The following NXN variants were observed in gnomAD, a reference collection of about 807,000 sequenced individuals.
NXN encodes the protein nucleoredoxin.
Under a neutral mutation model 48.6 loss-of-function variants are expected in NXN, and 16 were observed. That is an observed-to-expected ratio of 0.33 (90% CI 0.22 to 0.50). The LOEUF is 0.50. Among genes scored for constraint, NXN ranks in the 20% least tolerant of loss-of-function variants. NXN has a pLI of 0.98. For synonymous variants in NXN, 281 were observed against 269.6 expected, an observed-to-expected ratio of 1.04 and a Z score of -0.41; for missense variants, 492 against 605.5, an observed-to-expected ratio of 0.81 and a Z score of 1.97.
chr17:974,327 G>T (rs1410064471), intron 1 of NXN, among the ~76,000 whole-genome samples: 1 of 151,648 alleles, frequency 6.6e-6, no homozygotes, highest in African/African-American at 2.4e-5. Flanking sequence ...CTCCAGCCTG[G>T]GTGACAGAGC....
At chr17:935,433 G>T (rs763535393) in intron 1 of NXN, among the ~76,000 whole-genome samples, 3 of 152,184 alleles carry the variant, frequency 2.0e-5, no homozygotes, top group Non-Finnish European at 2.9e-5. Flanking sequence ...ACACTGAGAA[G>T]TGGGAGGCTT....
At chr17:947,648 G>A (rs2069058629) in intron 1 of NXN, among the ~76,000 whole-genome samples, 1 of 150,272 alleles carries the variant, frequency 6.7e-6, no homozygotes. Flanking sequence ...CAGGGGAACT[G>A]CTTGAACGCA....
chr17:914,350 A>G (rs1018985299), intron 1 of NXN, among the ~76,000 whole-genome samples: 2 of 144,646 alleles, frequency 1.4e-5, no homozygotes, highest in African/African-American at 5.2e-5. Flanking sequence ...TTGTATTTTT[A>G]GTAGAAATAG....
At position 826,041 on chromosome 17, in the gene NXN, G is replaced by C; in HGVS notation, c.398C>G (p.Pro133Arg). 1 of 1,613,980 alleles carries C rather than the reference G, an allele frequency of 6.2e-7. No individual in the cohort carries two copies. Among genetic ancestry groups the C allele is most frequent in the Non-Finnish European group, 8.5e-7 (1 of 1,179,878 alleles). The part of the protein sequence containing the change: ...LWNKYRISNI[P>R]SLIFLDATTG... ...GGTGGCGTCGAGGAATATTAGTGAT[G>C]GAATGTTGGAAATTCGGTATTTGTT... Residue 133 changes from proline (P) to arginine (R), a missense_variant, in exon 2 of 8, where the codon CCA becomes CGA. Physicochemically the swap from Pro to Arg is moderately radical, Grantham distance 103 (BLOSUM62 -2). Around this residue, in one of 3 missense-constraint regions of NXN, gnomAD observed 186 missense variants for 199.1 expected, o/e 0.93. Transcript: ENST00000336868.
At chr17:853,738 T>TTTTTTTTTTTTTTTCC (rs1555614493) in intron 1 of NXN, among the ~76,000 whole-genome samples, 5 of 143,616 alleles carry the variant, frequency 3.5e-5, no homozygotes, top group African/African-American at 1.1e-4. Flanking sequence ...TTTTTTTTTT[T>TTTTTTTTTTTTTTTCC]CCAAGACGGA....
intron 1 of NXN, among the ~76,000 whole-genome samples, chr17:964,142 G>A (rs1347263283): frequency 1.3e-5 from 2 of 152,144 alleles, no homozygotes; most frequent in Non-Finnish European, 2.9e-5. Context: ...AGAGAAACAT[G>A]GCGTATGAAG....
chr17:940,000 C>G (rs1444445967), intron 1 of NXN, among the ~76,000 whole-genome samples: 2 of 151,276 alleles, frequency 1.3e-5, no homozygotes, highest in African/African-American at 4.9e-5. Context: ...GTGGTGTGAT[C>G]ATGGCTCACT....
At chr17:805,731 G>A (rs980150108) in intron 5 of NXN, among the ~76,000 whole-genome samples, 19 of 152,074 alleles carry the variant, frequency 1.2e-4, no homozygotes, top group Admixed American at 3.9e-4. Context: ...CCAGCTACTC[G>A]GGAGGCTGAG....
chr17:863,882 C>T, intron 1 of NXN: 1 of 1,262,602 alleles, frequency 7.9e-7, no homozygotes, highest in Non-Finnish European at 1.1e-6. Flanking sequence ...ATACCCACTG[C>T]TTACACAGAG....
At chr17:869,010 T>G (rs1277681314) in intron 1 of NXN, among the ~76,000 whole-genome samples, 3 of 152,136 alleles carry the variant, frequency 2.0e-5, no homozygotes, top group Admixed American at 6.5e-5. Flanking sequence ...GTGGAAGGTC[T>G]CCCAGGCTTT....
chr17:896,859 C>CGGGGGGGGCGGGGGCGGCG, intron 1 of NXN: 1 of 541,044 alleles, frequency 1.8e-6, no homozygotes, highest in Non-Finnish European at 2.9e-6. Context: ...TCCTGACCAC[C>CGGGGGGGGCGGGGGCGGCG]CGCCCCCGGC....
chr17:810,007 CTG>C (rs1555608727), intron 5 of NXN, among the ~76,000 whole-genome samples: 3 of 115,040 alleles, frequency 2.6e-5, no homozygotes, highest in African/African-American at 6.7e-5. Context: ...CGTTACGAGT[CTG>C]TGAGTGGCGT....
chr17:818,884 C>CAAAAAAAAAAAAAA lies in NXN; in HGVS notation c.820+554_820+555insTTTTTTTTTTTTTT, dbSNP rs1229405533. ...TGGGCAACAGAGTGAGACTCCGTCT[C>CAAAAAAAAAAAAAA]AAAAAAAAAAAGAAATGCACCATGC... On this transcript the variant is annotated intron_variant, in intron 5 of 7. Coordinates refer to ENST00000336868, the MANE Select transcript of NXN (RefSeq NM_022463.5). Among the ~76,000 whole-genome samples the CAAAAAAAAAAAAAA allele has an allele frequency of 5.5e-3, 764 of 139,708 alleles. 9 individuals are homozygous for CAAAAAAAAAAAAAA. The highest frequency in any genetic ancestry group is 0.02 in the African/African-American group (727 of 36,394). 91.7% of individuals were successfully genotyped at this position (139,708 alleles called of 152,430 possible).
intron 1 of NXN, among the ~76,000 whole-genome samples, chr17:834,269 C>G (rs531873319): frequency 6.6e-6 from 1 of 152,208 alleles, no homozygotes; most frequent in East Asian, 1.9e-4. Context: ...CTACGATGAG[C>G]TGTGATCGTG....
chr17:811,694 C>T lies in NXN; in HGVS notation c.821-6447G>A, dbSNP rs146187501. ...CAGCGGCAGTGGGACTTTGGCCAGG[C>T]CGGCCTGGGGCCCAAACTCATCATC... On this transcript the variant is annotated intron_variant, in intron 5 of 7. Coordinates refer to ENST00000336868, the MANE Select transcript of NXN (RefSeq NM_022463.5). Among the ~76,000 whole-genome samples the T allele has an allele frequency of 6.7e-3, 1,013 of 152,214 alleles. 7 individuals are homozygous for T. The highest frequency in any genetic ancestry group is 1.0e-2 in the Non-Finnish European group (679 of 67,994).
intron 5 of NXN, among the ~76,000 whole-genome samples, chr17:806,903 A>G (rs1911567416): frequency 6.7e-6 from 1 of 150,000 alleles, no homozygotes; most frequent in Admixed American, 6.7e-5. Context: ...AGCCACTCCG[A>G]CATCACACAC....
At chr17:803,144 A>G (rs1597606919) in intron 7 of NXN, among the ~76,000 whole-genome samples, 2 of 152,306 alleles carry the variant, frequency 1.3e-5, no homozygotes, top group South Asian at 4.1e-4. Flanking sequence ...CCCTGTGAAG[A>G]GTCTCCTGCC....
At chr17:900,074 T>C (rs2068523115) in intron 1 of NXN, among the ~76,000 whole-genome samples, 1 of 152,080 alleles carries the variant, frequency 6.6e-6, no homozygotes, top group Admixed American at 6.6e-5. Context: ...GAGACCAACC[T>C]GACCAACATG....
chr17:850,895 G>A (rs73975571), intron 1 of NXN, among the ~76,000 whole-genome samples: 4,685 of 152,306 alleles, frequency 0.031, 247 homozygotes, highest in African/African-American at 0.11. Context: ...ACCAAGACGG[G>A]CAGAGGGTGG....
Sources: gnomAD v4.1 joint callset for allele counts (sites outside exome capture counted in the v4.1 genomes callset) on GRCh38, gnomAD v4.1.1 for gene constraint, gnomAD v4.1.1 regional missense constraint, MANE v1.5 for transcripts, NCBI Gene and HGNC (gene_info 2026-07-23, HGNC 2026-07-21) for gene names.